Variants in MDGA2 observed in about 807,000 individuals in gnomAD.
MDGA2 encodes the protein MAM domain-containing glycosylphosphatidylinositol anchor protein 2.
A neutral mutation model predicts 117.8 loss-of-function variants in MDGA2; 40 were observed. The ratio of observed to expected loss-of-function variants is 0.34; its 90% CI spans 0.26 to 0.44. MDGA2 has a LOEUF of 0.44. MDGA2 is among the 20% of genes least tolerant of loss of function. The probability of loss-of-function intolerance (pLI) is 1.00; values close to 1 mark genes in which losing one functional copy is unlikely to be tolerated. For missense variants in MDGA2, 1,123 were observed against 1,250.6 expected (o/e 0.90, Z 1.54); for synonymous variants, 452 against 439.0 (o/e 1.03, Z -0.37).
chr14:47,533,136 T>C (rs1359478085), intron 1 of MDGA2, among the ~76,000 whole-genome samples: 4 of 152,216 alleles, frequency 2.6e-5, no homozygotes, highest in South Asian at 4.1e-4. Context: ...GATGGTTCTA[T>C]TGAGTCAGTG....
At chr14:47,409,494 C>T (rs1892328087) in intron 1 of MDGA2, among the ~76,000 whole-genome samples, 1 of 152,130 alleles carries the variant, frequency 6.6e-6, no homozygotes, top group South Asian at 2.1e-4. Context: ...TCTTTCTTTT[C>T]TTCTAGACTG....
chr14:47,539,736 G>C (rs534106822), intron 1 of MDGA2, among the ~76,000 whole-genome samples: 68 of 152,326 alleles, frequency 4.5e-4, no homozygotes, highest in African/African-American at 1.5e-3. Flanking sequence ...GCTTAGAGTA[G>C]ATTTGGCATA....
intron 1 of MDGA2, among the ~76,000 whole-genome samples, chr14:47,353,670 A>G (rs1404920807): frequency 6.6e-6 from 1 of 152,208 alleles, no homozygotes; most frequent in Non-Finnish European, 1.5e-5. Context: ...GTAGCAGTAA[A>G]CAGCTTGCAA....
chr14:47,571,759 C>T (rs987101755), intron 1 of MDGA2, among the ~76,000 whole-genome samples: 1 of 39,634 alleles, frequency 2.5e-5, no homozygotes, highest in Non-Finnish European at 4.7e-5. Flanking sequence ...TGTCGGGGGG[C>T]GGTCGGGGGA....
chr14:47,148,295 A>G (rs975593732), intron 3 of MDGA2, among the ~76,000 whole-genome samples: 1 of 152,140 alleles, frequency 6.6e-6, no homozygotes, highest in Non-Finnish European at 1.5e-5. Flanking sequence ...GCAATCCTCC[A>G]GTAGGTCACT....
At chr14:47,366,096 T>G (rs978811608) in intron 1 of MDGA2, among the ~76,000 whole-genome samples, 1 of 152,182 alleles carries the variant, frequency 6.6e-6, no homozygotes. Context: ...TTCCAGTAAC[T>G]GCAGTTCTGA....
intron 9 of MDGA2, among the ~76,000 whole-genome samples, chr14:46,936,405 G>T (rs182761189): frequency 1.5e-3 from 222 of 152,102 alleles, no homozygotes; most frequent in East Asian, 0.014. Context: ...TGGGAATGGA[G>T]GTCCATGTAT....
intron 1 of MDGA2, among the ~76,000 whole-genome samples, chr14:47,378,489 T>C (rs551957522): frequency 6.6e-6 from 1 of 152,242 alleles, no homozygotes; most frequent in African/African-American, 2.4e-5. Context: ...GATGAATGGC[T>C]AACTAGAATA....
At chr14:47,627,110 A>G (rs1349493441) in intron 1 of MDGA2, among the ~76,000 whole-genome samples, 1 of 151,576 alleles carries the variant, frequency 6.6e-6, no homozygotes, top group East Asian at 2.0e-4. Flanking sequence ...GACTTGGAGA[A>G]CCTTTATGTC....
chr14:47,351,090 T>C (rs1440686158), intron 1 of MDGA2, among the ~76,000 whole-genome samples: 1 of 150,658 alleles, frequency 6.6e-6, no homozygotes, highest in African/African-American at 2.4e-5. Context: ...TTTTTTTTTT[T>C]TTTTTGAAAC....
chr14:47,171,564 G>A (rs1198845101), intron 3 of MDGA2, among the ~76,000 whole-genome samples: 2 of 152,278 alleles, frequency 1.3e-5, no homozygotes, highest in East Asian at 1.9e-4. Flanking sequence ...TGTTCAAAGG[G>A]AAGTAGTTTC....
At chr14:47,270,101 A>G (rs7154249) in intron 2 of MDGA2, among the ~76,000 whole-genome samples, 1,727 of 152,314 alleles carry the variant, frequency 0.011, 31 homozygotes, top group African/African-American at 0.04. Flanking sequence ...TCAGAAGTGC[A>G]TAACTATCTA....
At chr14:47,640,087 C>T (rs957832495) in intron 1 of MDGA2, among the ~76,000 whole-genome samples, 3 of 152,192 alleles carry the variant, frequency 2.0e-5, no homozygotes, top group African/African-American at 7.2e-5. Context: ...TAGCTATGCT[C>T]TCTTGACTGG....
At chr14:47,142,946 T>C in intron 4 of MDGA2, among the ~76,000 whole-genome samples, 1 of 152,358 alleles carries the variant, frequency 6.6e-6, no homozygotes, top group East Asian at 1.9e-4. Flanking sequence ...TTACAATCTA[T>C]TTGCAAAACA....
chr14:47,625,510 G>C (rs1897124741), intron 1 of MDGA2, among the ~76,000 whole-genome samples: 1 of 152,116 alleles, frequency 6.6e-6, no homozygotes, highest in African/African-American at 2.4e-5. Context: ...CTAAAATAGG[G>C]TAACTGTGGT....
intron 1 of MDGA2, among the ~76,000 whole-genome samples, chr14:47,498,781 A>G (rs1485597798): frequency 6.6e-6 from 1 of 152,192 alleles, no homozygotes; most frequent in East Asian, 1.9e-4. Context: ...TTGCACTGAA[A>G]AGGAAAAGCA....
chr14:47,528,404 A>C (rs531651901), intron 1 of MDGA2, among the ~76,000 whole-genome samples: 1 of 152,340 alleles, frequency 6.6e-6, no homozygotes, highest in African/African-American at 2.4e-5. Flanking sequence ...TATCTCATCA[A>C]ACAGTCATCA....
intron 1 of MDGA2, among the ~76,000 whole-genome samples, chr14:47,328,744 T>C (rs1890213168): frequency 6.6e-6 from 1 of 152,226 alleles, no homozygotes; most frequent in East Asian, 1.9e-4. Context: ...TGAAGGAAAT[T>C]CACATTATAA....
chr14:47,059,081 A>G lies in MDGA2; in HGVS notation c.1525+2168T>C. On this transcript the variant is annotated intron_variant, in intron 7 of 16. Transcript: ENST00000399232. Reference sequence around the variant, plus strand: ...AGTAGGGAATTACAATAAGGGCAGTAAGAGGCACAGCAAATGTCTATATTA... The same window carrying G: ...AGTAGGGAATTACAATAAGGGCAGTGAGAGGCACAGCAAATGTCTATATTA... 4 of 1,029,426 alleles carry G rather than the reference A, an allele frequency of 3.9e-6. No homozygotes were observed. The South Asian group carries it at 1.2e-4, about 32-fold the overall frequency. 63.8% of individuals were successfully genotyped at this position (1,029,426 alleles called of 1,614,324 possible). A position where few individuals can be genotyped will look rare whatever the true frequency, so the allele number is the denominator to read the frequency against.
Sources: gnomAD v4.1 joint callset for allele counts (sites outside exome capture counted in the v4.1 genomes callset) on GRCh38, gnomAD v4.1.1 for gene constraint, MANE v1.5 for transcripts, NCBI Gene and HGNC (gene_info 2026-07-23, HGNC 2026-07-21) for gene names.